The following SCAI variants were observed in gnomAD, a reference collection of about 807,000 sequenced individuals.
SCAI encodes suppressor of cancer cell invasion.
SCAI carries 24 observed loss-of-function variants against 92.2 expected under a neutral mutation model. The observed-to-expected ratio is 0.26, with a 90% confidence interval of 0.19 to 0.37. The LOEUF (loss-of-function observed/expected upper bound fraction) is 0.37. Ranked by LOEUF, SCAI falls within the 10% of genes least tolerant of loss-of-function variation. The pLI, the probability that SCAI is intolerant of heterozygous loss-of-function variation, is 1.00. For synonymous variants in SCAI, 261 were observed against 258.6 expected (o/e 1.01, Z -0.09); for missense variants, 450 against 736.2 (o/e 0.61, Z 4.50).
rs972693029 is a variant in SCAI at position 124,944,196 on chromosome 9, T to C, written c.*8611A>G. The C allele has an allele frequency of 2.6e-5, 4 of 152,148 alleles. No individual in the cohort carries two copies. The highest frequency in any genetic ancestry group is 9.6e-5 in the African/African-American group (4 of 41,456). 9.4% of individuals were successfully genotyped at this position (152,148 alleles called of 1,614,324 possible). A position where few individuals can be genotyped will look rare whatever the true frequency, so the allele number is the denominator to read the frequency against. Reference sequence around the variant, plus strand: ...ATTCAGATAACTATAAAAAGCCACATAAATCAAGTTCTAGATTATTGTACT... The same window carrying C: ...ATTCAGATAACTATAAAAAGCCACACAAATCAAGTTCTAGATTATTGTACT... On this transcript the variant is annotated 3_prime_UTR_variant, in exon 18 of 18. Transcript: ENST00000336505.
intron 2 of SCAI, among the ~76,000 whole-genome samples, chr9:125,085,867 C>T (rs776125451): frequency 6.6e-5 from 10 of 152,108 alleles, no homozygotes; most frequent in Non-Finnish European, 1.3e-4. Context: ...CCATAAAAAC[C>T]GAGCAAGACT....
At chr9:124,959,553 A>T (rs538015754) in intron 17 of SCAI, among the ~76,000 whole-genome samples, 6 of 141,878 alleles carry the variant, frequency 4.2e-5, no homozygotes, top group South Asian at 2.2e-4. Flanking sequence ...TATATATATA[A>T]AATACTTTAA....
In SCAI at chr9:124,962,175, G is replaced by GT. The variant is rs1344696077; in HGVS notation, c.1674+9194_1674+9195insA. On this transcript the variant is annotated intron_variant, in intron 17 of 17. Coordinates refer to ENST00000336505, the MANE Select transcript of SCAI (RefSeq NM_001144877.3). The stretch of plus-strand genomic sequence containing the variant: ...CTTTTTTTTTTTTTTTTTTTTGCGG[G>GT]GGGGGATGGAGTCTTGCTCTGTCGC... Among the ~76,000 whole-genome samples the GT allele has an allele frequency of 2.4e-4, 35 of 144,264 alleles. 2 individuals are homozygous for GT. Among genetic ancestry groups the GT allele is most frequent in the Admixed American group, 1.7e-3 (24 of 14,418 alleles). 94.6% of individuals were successfully genotyped at this position (144,264 alleles called of 152,430 possible). A position where few individuals can be genotyped will look rare whatever the true frequency, so the allele number is the denominator to read the frequency against.
chr9:125,047,463 C>T (rs1220700713), intron 3 of SCAI, among the ~76,000 whole-genome samples: 1 of 152,156 alleles, frequency 6.6e-6, no homozygotes. Flanking sequence ...CAAACTGATA[C>T]AGTAATATGG....
intron 9 of SCAI, among the ~76,000 whole-genome samples, chr9:125,015,551 G>A (rs1243895271): frequency 6.6e-6 from 1 of 152,216 alleles, no homozygotes; most frequent in East Asian, 1.9e-4. Flanking sequence ...AGAGGATGTG[G>A]AGAAATAGGA....
chr9:124,972,336 C>T (rs1213673700), intron 15 of SCAI, among the ~76,000 whole-genome samples: 1 of 152,154 alleles, frequency 6.6e-6, no homozygotes, highest in South Asian at 2.1e-4. Context: ...ATTTCTAATT[C>T]TCTATCAGCA....
At chr9:125,058,937 T>C (rs987695717) in intron 2 of SCAI, among the ~76,000 whole-genome samples, 7 of 152,172 alleles carry the variant, frequency 4.6e-5, no homozygotes, top group African/African-American at 1.7e-4. Context: ...ATACCAATAG[T>C]AATAGCAATG....
intron 2 of SCAI, among the ~76,000 whole-genome samples, chr9:125,058,413 G>C (rs1833712791): frequency 6.6e-6 from 1 of 152,170 alleles, no homozygotes; most frequent in African/African-American, 2.4e-5. Context: ...TACTAGGAAG[G>C]CTGAGGCAGG....
At chr9:125,067,491 C>T (rs1220266584) in intron 2 of SCAI, among the ~76,000 whole-genome samples, 1 of 152,120 alleles carries the variant, frequency 6.6e-6, no homozygotes, top group Non-Finnish European at 1.5e-5. Flanking sequence ...CAAAATCACA[C>T]AGCTTCAAGC....
chr9:125,141,457 C>G (rs1248853976), intron 2 of SCAI, among the ~76,000 whole-genome samples: 1 of 152,204 alleles, frequency 6.6e-6, no homozygotes, highest in Admixed American at 6.5e-5. Flanking sequence ...AATGACTACA[C>G]AGAATTGCTA....
intron 2 of SCAI, among the ~76,000 whole-genome samples, chr9:125,123,990 G>C (rs1434687798): frequency 1.3e-5 from 2 of 152,214 alleles, no homozygotes; most frequent in Non-Finnish European, 2.9e-5. Flanking sequence ...AATACAAACA[G>C]TGGTGCCTAG....
At chr9:125,042,615 ATGTGTGTGTGTGTG>A (rs150983142) in intron 3 of SCAI, among the ~76,000 whole-genome samples, 1 of 105,154 alleles carries the variant, frequency 9.5e-6, no homozygotes, top group African/African-American at 3.6e-5. Flanking sequence ...CCACCAGAGT[ATGTGTGTGTGTGTG>A]TGTGTACACA....
At chr9:125,126,913 C>T (rs566623829) in intron 2 of SCAI, among the ~76,000 whole-genome samples, 1 of 152,288 alleles carries the variant, frequency 6.6e-6, no homozygotes, top group South Asian at 2.1e-4. Flanking sequence ...CTATTTGCTT[C>T]TTTGCCTCAA....
chr9:125,020,292 G>C (rs1832846125), intron 7 of SCAI, among the ~76,000 whole-genome samples: 1 of 152,126 alleles, frequency 6.6e-6, no homozygotes, highest in South Asian at 2.1e-4. Flanking sequence ...ACTCTAAAGT[G>C]GTGGGAAAAT....
At chr9:124,998,251 G>A (rs752232753) in intron 13 of SCAI, among the ~76,000 whole-genome samples, 3 of 152,070 alleles carry the variant, frequency 2.0e-5, no homozygotes, top group East Asian at 1.9e-4. Context: ...TCAGGAGTTC[G>A]AGACCAGACT....
At chr9:125,084,035 G>T (rs902721324) in intron 2 of SCAI, among the ~76,000 whole-genome samples, 1 of 151,968 alleles carries the variant, frequency 6.6e-6, no homozygotes, top group African/African-American at 2.4e-5. Context: ...AGATGCTGAG[G>T]CAGGTATGTA....
At chr9:125,032,080 AC>A in intron 3 of SCAI, among the ~76,000 whole-genome samples, 1 of 151,626 alleles carries the variant, frequency 6.6e-6, no homozygotes, top group East Asian at 1.9e-4. Context: ...GAAAAGAAGT[AC>A]AGGCTATATT....
intron 2 of SCAI, among the ~76,000 whole-genome samples, chr9:125,127,012 G>A (rs1030212894): frequency 2.6e-5 from 4 of 152,146 alleles, no homozygotes; most frequent in Non-Finnish European, 5.9e-5. Context: ...TGCCTTTGGC[G>A]GGAGCTGGGG....
intron 14 of SCAI, among the ~76,000 whole-genome samples, chr9:124,989,266 T>A (rs1012751788): frequency 6.6e-6 from 1 of 152,142 alleles, no homozygotes; most frequent in Non-Finnish European, 1.5e-5. Flanking sequence ...GAAAACAGAA[T>A]TAGAATGCTT....
Sources: gnomAD v4.1 joint callset for allele counts (sites outside exome capture counted in the v4.1 genomes callset) on GRCh38, gnomAD v4.1.1 for gene constraint, MANE v1.5 for transcripts, NCBI Gene and HGNC (gene_info 2026-07-23, HGNC 2026-07-21) for gene names.